ABHD14A: variants seen among roughly 807,000 people sequenced by gnomAD.
ABHD14A encodes protein ABHD14A.
ABHD14A carries 19 observed loss-of-function variants against 27.0 expected under a neutral mutation model. The ratio of observed to expected loss-of-function variants is 0.70; its 90% CI spans 0.49 to 1.03. The LOEUF is 1.03. Among genes scored for constraint, ABHD14A ranks in the 50% least tolerant of loss-of-function variants. ABHD14A has a pLI of 0.00. For missense variants in ABHD14A, 311 were observed against 344.6 expected, an observed-to-expected ratio of 0.90 and a Z score of 0.77; for synonymous variants, 148 against 158.8, an observed-to-expected ratio of 0.93 and a Z score of 0.51.
At position 51,980,624 on chromosome 3, in the gene ABHD14A, T is replaced by C. The variant is rs566649968; in HGVS notation, c.629T>C (p.Val210Ala). Residue 210 changes from valine to alanine, a missense_variant, in exon 4 of 5, where the codon GTG becomes GCG. Val to Ala is a moderately conservative substitution (Grantham distance 64). Coordinates refer to ENST00000273596, the MANE Select transcript of ABHD14A (RefSeq NM_015407.5). Reference sequence around the variant, plus strand: ...TACACCCAGGAGCAATTCTGGGCTGTGAAGGTACTGGGAGAAGGATCTCAA... The same window carrying C: ...TACACCCAGGAGCAATTCTGGGCTGCGAAGGTACTGGGAGAAGGATCTCAA... ...QNYTQEQFWA[V>A]KTPTLILYGE... The C allele has an allele frequency of 4.3e-5, 69 of 1,613,216 alleles. 1 individual carries two copies. In the South Asian group the frequency reaches 7.0e-4, roughly 16 times the overall value.
In ABHD14A at chr3:51,980,916, C is replaced by A. The variant is rs1577719114; in HGVS notation, c.714C>A (p.Asn238Lys). Residue 238 changes from asparagine (N) to lysine (K), a missense_variant, in exon 5 of 5, where the codon AAC (asparagine) becomes AAA (lysine). Coordinates refer to ENST00000273596, the MANE Select transcript of ABHD14A (RefSeq NM_015407.5). ...ESLRQLRHLP[N>K]HSVVKLRNAG... ...TGCGGCAGCTCCGCCACCTGCCCAA[C>A]CACTCTGTGGTGAAGCTACGCAATG... is the stretch of plus-strand genomic sequence containing the variant. 1 of 1,614,200 alleles carries A rather than the reference C, an allele frequency of 6.2e-7. No individual in the cohort carries two copies. Among genetic ancestry groups the A allele is most frequent in the East Asian group, 2.2e-5 (1 of 44,886 alleles).
intron 3 of ABHD14A, among the ~76,000 whole-genome samples, chr3:51,979,813 T>A (rs1700876040): frequency 6.6e-6 from 1 of 151,936 alleles, no homozygotes; most frequent in Non-Finnish European, 1.5e-5. Flanking sequence ...TTTAGATAAC[T>A]ACTATCTCAC....
chr3:51,976,153 C>G (rs113805616), intron 1 of ABHD14A, among the ~76,000 whole-genome samples: 3 of 151,960 alleles, frequency 2.0e-5, no homozygotes, highest in African/African-American at 7.3e-5. Flanking sequence ...AGACGCGCGT[C>G]TGAGGTTGTT....
Position 51,975,187 on chromosome 3 carries a change from C to G in ABHD14A, c.52C>G (p.Leu18Val). 1 of 1,275,660 alleles carries G rather than the reference C, an allele frequency of 7.8e-7. No individual in the cohort carries two copies. Among genetic ancestry groups the G allele is most frequent in the Non-Finnish European group, 9.9e-7 (1 of 1,010,442 alleles). The allele number at this position is 1,275,660 out of a possible 1,614,324, so 79.0% of individuals were successfully genotyped here. Residue 18 changes from leucine to valine, a missense_variant, in exon 1 of 5, where the codon CTC becomes GTC. Transcript: ENST00000273596. The part of the protein sequence containing the change: ...CWFRLGGARP[L>V]IPLGPTVVQT... ...GTTCCGCCTGGGCGGGGCCCGCCCG[C>G]TCATCCCGTTGGGCCCGGTGAGTCT...
rs1045668066 is a variant in ABHD14A, at chr3:51,975,220, G to A, written c.69+16G>A. 31 of 1,251,714 alleles carry A rather than the reference G, an allele frequency of 2.5e-5. No homozygotes were observed. Among genetic ancestry groups the A allele is most frequent in the Non-Finnish European group, 3.1e-5 (31 of 997,878 alleles). The allele number at this position is 1,251,714 out of a possible 1,614,324, so 77.5% of individuals were successfully genotyped here. ...GTTGGGCCCGGTGAGTCTCCCGGGG[G>A]AGGGAGGCCGGCCGGTGGCCCAGGG... On this transcript the variant is annotated intron_variant, in intron 1 of 4. Transcript: ENST00000273596.
At chr3:51,980,306 T>C (rs759774795) in intron 3 of ABHD14A, 87 bp from the exon 4 acceptor site, 2 of 1,235,952 alleles carry the variant, frequency 1.6e-6, no homozygotes, top group South Asian at 1.2e-5. Flanking sequence ...GTGCCAGTGG[T>C]CCCCAACTTT....
intron 1 of ABHD14A, among the ~76,000 whole-genome samples, chr3:51,977,026 C>G (rs1700801805): frequency 6.6e-6 from 1 of 152,128 alleles, no homozygotes; most frequent in Non-Finnish European, 1.5e-5. Flanking sequence ...ATTCATCTCT[C>G]CAACCTCTAC....
At chr3:51,976,538 C>T (rs1291008882) in intron 1 of ABHD14A, among the ~76,000 whole-genome samples, 1 of 152,124 alleles carries the variant, frequency 6.6e-6, no homozygotes, top group East Asian at 1.9e-4. Flanking sequence ...TAGCCGGGCG[C>T]GGTGGCGGGA....
intron 4 of ABHD14A, 30 bp downstream of exon 4, chr3:51,980,658 G>A: frequency 1.2e-6 from 2 of 1,602,392 alleles, no homozygotes; most frequent in Admixed American, 1.7e-5. Context: ...AAAGGTCCTG[G>A]CACCCTGTCT....
At chr3:51,980,677 G>C (rs377621529) in intron 4 of ABHD14A, 49 bp downstream of exon 4, 16 of 1,585,668 alleles carry the variant, frequency 1.0e-5, no homozygotes, top group African/African-American at 9.4e-5. Flanking sequence ...CTGTGGCTTG[G>C]GGGGGTTCAG....
At position 51,978,358 on chromosome 3, in the gene ABHD14A, G is replaced by A; in HGVS notation, c.381G>A (p.Val127=). 6.4e-7 allele frequency: 1 copy of A among 1,551,526 alleles called. No homozygotes were observed. The highest frequency in any genetic ancestry group is 8.7e-7 in the Non-Finnish European group (1 of 1,146,852). Residue 127 remains valine (V), a synonymous_variant, in exon 3 of 5, where the codon GTG becomes GTA. Coordinates refer to ENST00000273596, the MANE Select transcript of ABHD14A (RefSeq NM_015407.5). The stretch of plus-strand genomic sequence containing the variant: ...TGTCACAGAGGGGCTACCGGGCCGT[G>A]GCCCTTGACCTTCCAGGTGAGCACC... The part of the protein sequence containing the change: ...QLLSQRGYRA[V]ALDLPGFGNS...
chr3:51,975,158 G>C lies in ABHD14A; in HGVS notation c.23G>C (p.Cys8Ser). 2 of 1,287,134 alleles carry C rather than the reference G, an allele frequency of 1.6e-6. No homozygotes were observed. Among genetic ancestry groups the C allele is most frequent in the South Asian group, 2.4e-5 (1 of 41,708 alleles). 79.7% of individuals were successfully genotyped at this position (1,287,134 alleles called of 1,614,324 possible). The part of the protein sequence containing the change: MVGALCG[C>S]WFRLGGARPL... ...GCCATGGTCGGGGCGCTGTGCGGCTGCTGGTTCCGCCTGGGCGGGGCCCGC... is the reference window on the plus strand; with the variant it reads ...GCCATGGTCGGGGCGCTGTGCGGCTCCTGGTTCCGCCTGGGCGGGGCCCGC... The change falls in exon 1 of 5, where the codon TGC (cysteine) becomes TCC (serine). Residue 8 changes from cysteine (C) to serine (S), a missense_variant. Coordinates refer to ENST00000273596, the MANE Select transcript of ABHD14A (RefSeq NM_015407.5).
At chr3:51,976,242 T>G (rs527669543) in intron 1 of ABHD14A, among the ~76,000 whole-genome samples, 1 of 152,362 alleles carries the variant, frequency 6.6e-6, no homozygotes, top group Admixed American at 6.5e-5. Context: ...AGGCGGCTGC[T>G]GCTGTGGCTC....
rs2106814079 is a variant in ABHD14A at position 51,978,265 on chromosome 3, G to A, written c.288G>A (p.Glu96=). The A allele has an allele frequency of 1.9e-6, 3 of 1,550,766 alleles. No homozygotes were observed. The highest frequency in any genetic ancestry group is 2.6e-6 in the Non-Finnish European group (3 of 1,146,164). The change falls in exon 3 of 5, where the codon GAG becomes GAA. Residue 96 remains glutamate (E), a synonymous_variant. Transcript: ENST00000273596. ...TTCCCCTGTGTGCCTGCAGGGTGGA[G>A]GTGGTGCTGCTTCATGGAAAGGCCT... ...VLPLNQAHRV[E]VVLLHGKAFN... is the part of the protein sequence containing the mutation.
Position 51,978,244 on chromosome 3 carries a change from C to T in ABHD14A, c.282-15C>T. 13 of 1,546,686 alleles carry T rather than the reference C, an allele frequency of 8.4e-6. No individual in the cohort carries two copies. The highest frequency in any genetic ancestry group is 1.1e-5 in the Non-Finnish European group (13 of 1,142,838). ...ACCAGGTTCCCAGCAAACACATTCC[C>T]CTGTGTGCCTGCAGGGTGGAGGTGG... On this transcript the variant is annotated splice_polypyrimidine_tract_variant and intron_variant, in intron 2 of 4. Coordinates refer to ENST00000273596, the MANE Select transcript of ABHD14A (RefSeq NM_015407.5).
In ABHD14A at chr3:51,975,934, G is replaced by A. The variant is rs556005275; in HGVS notation, c.69+730G>A. Among the ~76,000 whole-genome samples, 4 of 152,342 alleles carry A rather than the reference G, an allele frequency of 2.6e-5. No individual in the cohort carries two copies. In the South Asian group the frequency reaches 6.2e-4, roughly 24 times the overall value. ...AACGCATATTCCAATGACCTAACCC[G>A]GGCACAGTTTACCCTGCCCCCCGCA... On this transcript the variant is annotated intron_variant, in intron 1 of 4. Coordinates refer to ENST00000273596, the MANE Select transcript of ABHD14A (RefSeq NM_015407.5).
At position 51,976,264 on chromosome 3, in the gene ABHD14A, G is replaced by A. The variant is rs542581925; in HGVS notation, c.69+1060G>A. On this transcript the variant is annotated intron_variant, in intron 1 of 4. Coordinates refer to ENST00000273596, the MANE Select transcript of ABHD14A (RefSeq NM_015407.5). ...TGCTGCTGTGGCTCACAAGCCCCCCGACCCCGAAGCCTGGGGATGCGGGCT... is the reference window on the plus strand; with the variant it reads ...TGCTGCTGTGGCTCACAAGCCCCCCAACCCCGAAGCCTGGGGATGCGGGCT... Among the ~76,000 whole-genome samples the A allele has an allele frequency of 1.5e-4, 23 of 152,338 alleles. No homozygotes were observed. In the East Asian group the frequency reaches 3.9e-3, roughly 26 times the overall value.
intron 1 of ABHD14A, 58 bp downstream of exon 1, chr3:51,975,262 C>T: frequency 8.1e-7 from 1 of 1,233,488 alleles, no homozygotes; most frequent in Non-Finnish European, 1.0e-6. Flanking sequence ...CGTCTTTACC[C>T]CGCCCCTTGC....
In ABHD14A at chr3:51,980,864, T is replaced by G. The variant is rs778278081; in HGVS notation, c.662T>G (p.Leu221Arg). ...KTPTLILYGE[L>R]DHILARESLR... ...CCAACCCTTATCCTGTATGGAGAGC[T>G]GGACCACATCCTGGCTCGAGAGTCA... Residue 221 changes from leucine (L) to arginine (R), a missense_variant, in exon 5 of 5, where the codon CTG becomes CGG. Transcript: ENST00000273596. 2.5e-6 allele frequency: 4 copies of G among 1,613,994 alleles called. No individual in the cohort carries two copies. In the African/African-American group the frequency reaches 4.0e-5, roughly 16 times the overall value.
Sources: allele counts gnomAD v4.1 joint callset (sites outside exome capture counted in the v4.1 genomes callset), GRCh38; gene constraint gnomAD v4.1.1; transcripts MANE v1.5; gene names NCBI Gene and HGNC (gene_info 2026-07-23, HGNC 2026-07-21).